The following TLL1 variants were observed in gnomAD, a reference collection of about 807,000 sequenced individuals.
TLL1 encodes tolloid like 1, also known as tolloid-like protein 1.
In TLL1, 49 loss-of-function variants were observed where a neutral mutation model predicts 128.2. The observed-to-expected ratio is 0.38, with a 90% CI of 0.30 to 0.48. TLL1 has a LOEUF of 0.48. TLL1 is among the 20% of genes least tolerant of loss of function. The pLI is 0.96. For missense variants in TLL1, 1,123 were observed against 1,242.0 expected (o/e 0.90, Z 1.44); for synonymous variants, 454 against 418.8 (o/e 1.08, Z -1.03).
chr4:166,002,167 G>A (rs573053361), intron 5 of TLL1, among the ~76,000 whole-genome samples: 41 of 152,230 alleles, frequency 2.7e-4, no homozygotes, highest in Non-Finnish European at 3.7e-4. Flanking sequence ...ATAGACGGAT[G>A]TGAGATGTGT....
rs1463464627 is a variant in TLL1 at position 166,074,895 on chromosome 4, A to G, written c.2206A>G (p.Lys736Glu). ...HFFSDKDECS[K>E]DNGGCQHECV... ...TTTGCTAGACAAAGATGAATGCTCT[A>G]AGGATAATGGTGGATGTCAGCACGA... is the stretch of plus-strand genomic sequence containing the variant. Residue 736 changes from lysine (K) to glutamate (E), a missense_variant, in exon 17 of 21, where the codon AAG (lysine) becomes GAG (glutamate). Physicochemically the swap from Lys to Glu is moderately conservative, Grantham distance 56. This residue lies in a region of TLL1 where 634 missense variants were observed against 672.4 expected (regional missense o/e 0.94). Coordinates refer to ENST00000061240, the MANE Select transcript of TLL1 (RefSeq NM_012464.5). 5.0e-6 allele frequency: 8 copies of G among 1,613,350 alleles called. 1 individual carries two copies. In the African/African-American group the frequency reaches 5.3e-5, roughly 11 times the overall value.
intron 1 of TLL1, among the ~76,000 whole-genome samples, chr4:165,888,363 T>A (rs1357441787): frequency 6.6e-6 from 1 of 152,210 alleles, no homozygotes; most frequent in Non-Finnish European, 1.5e-5. Flanking sequence ...GAATAATTAA[T>A]TTACTAATAT....
chr4:165,921,261 T>C (rs1177194938), intron 1 of TLL1, among the ~76,000 whole-genome samples: 1 of 152,240 alleles, frequency 6.6e-6, no homozygotes, highest in Non-Finnish European at 1.5e-5. Context: ...ACAAAACTTT[T>C]ATAAAAATCA....
At chr4:166,074,774 C>G in intron 16 of TLL1, 104 bp from the exon 17 acceptor site, 1 of 1,395,680 alleles carries the variant, frequency 7.2e-7, no homozygotes, top group Non-Finnish European at 1.0e-6. Context: ...GAAACCATGA[C>G]TTAGTTTACC....
At chr4:166,011,776 T>G (rs1191323095) in intron 7 of TLL1, among the ~76,000 whole-genome samples, 1 of 151,580 alleles carries the variant, frequency 6.6e-6, no homozygotes, top group African/African-American at 2.4e-5. Context: ...GGGATTTTTA[T>G]ATATAGTTTT....
At position 166,014,502 on chromosome 4, in the gene TLL1, G is replaced by C; in HGVS notation, c.984G>C (p.Gln328His). Residue 328 changes from glutamine (Q) to histidine (H), a missense_variant, in exon 8 of 21, where the codon CAG (glutamine) becomes CAC (histidine). Around this residue, in one of 3 missense-constraint regions of TLL1, gnomAD observed 480 missense variants for 542.4 expected, o/e 0.89. Transcript: ENST00000061240. ...ATGGCATACGTCCTGCAATTGGTCA[G>C]CGAACCCGTCTAAGCAAAGGAGATA... ...DDNGIRPAIG[Q>H]RTRLSKGDIA... is the part of the protein sequence containing the mutation. 6.2e-7 allele frequency: 1 copy of C among 1,612,490 alleles called. No homozygotes were observed. The highest frequency in any genetic ancestry group is 8.5e-7 in the Non-Finnish European group (1 of 1,178,876).
intron 1 of TLL1, among the ~76,000 whole-genome samples, chr4:165,890,622 T>A (rs1381917969): frequency 6.6e-6 from 1 of 152,202 alleles, no homozygotes; most frequent in Non-Finnish European, 1.5e-5. Context: ...CTGTCTCACA[T>A]CCAAATCACA....
intron 1 of TLL1, among the ~76,000 whole-genome samples, chr4:165,948,220 T>A (rs1236210807): frequency 6.6e-6 from 1 of 152,156 alleles, no homozygotes; most frequent in Non-Finnish European, 1.5e-5. Flanking sequence ...TGACATCCAA[T>A]GCCTGTCTCA....
At chr4:166,019,020 C>G (rs890256911) in intron 8 of TLL1, among the ~76,000 whole-genome samples, 5 of 152,192 alleles carry the variant, frequency 3.3e-5, no homozygotes, top group Admixed American at 1.3e-4. Flanking sequence ...TTCATCACTG[C>G]ACTATTTCCA....
chr4:166,058,933 A>C (rs1277691935), intron 14 of TLL1, among the ~76,000 whole-genome samples: 2 of 152,146 alleles, frequency 1.3e-5, no homozygotes, highest in Non-Finnish European at 2.9e-5. Context: ...TCTTCTTAAA[A>C]GTCTGAACTT....
chr4:166,013,167 C>T lies in TLL1; in HGVS notation c.918-1269C>T, dbSNP rs191296333. Among the ~76,000 whole-genome samples, 451 of 151,908 alleles carry T rather than the reference C, an allele frequency of 3.0e-3. 4 individuals are homozygous for T. Among genetic ancestry groups the T allele is most frequent in the African/African-American group, 0.01 (435 of 41,504 alleles). On this transcript the variant is annotated intron_variant, in intron 7 of 20. Transcript: ENST00000061240. The stretch of plus-strand genomic sequence containing the variant: ...AATGTCAATTTTCAAGTGAGTTTCA[C>T]TTTGATCACTCTATTTAAAAGCAGC...
chr4:165,882,033 T>C (rs1295180655), intron 1 of TLL1, among the ~76,000 whole-genome samples: 1 of 152,252 alleles, frequency 6.6e-6, no homozygotes, highest in East Asian at 1.9e-4. Context: ...GTTTACAGTG[T>C]ACACTATGTA....
intron 18 of TLL1, among the ~76,000 whole-genome samples, chr4:166,079,441 C>G (rs888508666): frequency 6.6e-6 from 1 of 152,070 alleles, no homozygotes; most frequent in African/African-American, 2.4e-5. Flanking sequence ...TTTTCTTTCT[C>G]CATCTTGAAT....
At chr4:166,036,991 A>G (rs755851475) in intron 9 of TLL1, among the ~76,000 whole-genome samples, 36 of 152,100 alleles carry the variant, frequency 2.4e-4, no homozygotes, top group Non-Finnish European at 8.8e-5. Context: ...TACCCTTTCA[A>G]TCTAAGAGGG....
chr4:166,099,411 T>C lies in TLL1; in HGVS notation c.2791T>C (p.Leu931=). 6.2e-7 allele frequency: 1 copy of C among 1,613,562 alleles called. No homozygotes were observed. The highest frequency in any genetic ancestry group is 8.5e-7 in the Non-Finnish European group (1 of 1,179,668). The change falls in exon 20 of 21, where the codon TTA becomes CTA. Residue 931 remains leucine, a synonymous_variant. Transcript: ENST00000061240. ...LVSERGSRLE[L]SFQTFEVEEE... ...ATCAGAACGGGGCTCTCGACTTGAATTATCCTTCCAGACATTTGAAGTGGA... is the reference window on the plus strand; with the variant it reads ...ATCAGAACGGGGCTCTCGACTTGAACTATCCTTCCAGACATTTGAAGTGGA...
At chr4:166,047,181 G>A (rs1185338805) in intron 12 of TLL1, among the ~76,000 whole-genome samples, 1 of 143,470 alleles carries the variant, frequency 7.0e-6, no homozygotes, top group African/African-American at 2.6e-5. Context: ...TTTTTTTTTT[G>A]AGATGGAGTC....
chr4:166,017,080 G>T (rs963240374), intron 8 of TLL1, among the ~76,000 whole-genome samples: 3 of 151,914 alleles, frequency 2.0e-5, no homozygotes, highest in African/African-American at 7.3e-5. Context: ...TTCAACCCTT[G>T]CCGCCTCCCA....
chr4:165,972,116 G>A (rs1579564899), intron 1 of TLL1, among the ~76,000 whole-genome samples: 1 of 152,158 alleles, frequency 6.6e-6, no homozygotes, highest in Admixed American at 6.5e-5. Flanking sequence ...AGTTGTGCCA[G>A]CCACCTGTGT....
At chr4:166,039,552 A>T in intron 10 of TLL1, 111 bp downstream of exon 10, 1 of 756,560 alleles carries the variant, frequency 1.3e-6, no homozygotes, top group Non-Finnish European at 2.3e-6. Flanking sequence ...TGTGACTAAC[A>T]TTATTTTTAT....
Sources: allele counts gnomAD v4.1 joint callset (sites outside exome capture counted in the v4.1 genomes callset), GRCh38; gene constraint gnomAD v4.1.1; regional missense constraint gnomAD v4.1.1; transcripts MANE v1.5; gene names NCBI Gene and HGNC (gene_info 2026-07-23, HGNC 2026-07-21).